Variants in PRKCE observed in about 807,000 individuals in gnomAD.
PRKCE encodes protein kinase C epsilon.
A neutral mutation model predicts 85.4 loss-of-function variants in PRKCE; 16 were observed. The ratio of observed to expected loss-of-function variants is 0.19; its 90% confidence interval spans 0.13 to 0.28. PRKCE has a LOEUF of 0.28. PRKCE is among the 10% of genes least tolerant of loss of function. PRKCE has a pLI of 1.00. For synonymous variants in PRKCE, 388 were observed against 371.5 expected, an observed-to-expected ratio of 1.04 and a Z score of -0.51; for missense variants, 573 against 975.2, an observed-to-expected ratio of 0.59 and a Z score of 5.49.
chr2:45,760,404 T>C (rs1313899662), intron 1 of PRKCE, among the ~76,000 whole-genome samples: 1 of 152,140 alleles, frequency 6.6e-6, no homozygotes, highest in Non-Finnish European at 1.5e-5. Flanking sequence ...AAGGGGAAAG[T>C]CTACCAACTC....
intron 11 of PRKCE, among the ~76,000 whole-genome samples, chr2:46,106,062 T>G (rs1671685109): frequency 6.6e-6 from 1 of 152,238 alleles, no homozygotes; most frequent in Non-Finnish European, 1.5e-5. Flanking sequence ...TTTCAATATT[T>G]CTAGGCTATG....
Position 46,001,252 on chromosome 2 carries a change from CATATATAT to C in PRKCE, c.824-139_824-132del. 1 of 365,580 alleles carries C rather than the reference CATATATAT, an allele frequency of 2.7e-6. No homozygotes were observed. Among genetic ancestry groups the C allele is most frequent in the South Asian group, 1.2e-4 (1 of 8,518 alleles). 22.6% of individuals were successfully genotyped at this position (365,580 alleles called of 1,614,324 possible). On this transcript the variant is annotated intron_variant, in intron 6 of 14. Coordinates refer to ENST00000306156, the MANE Select transcript of PRKCE (RefSeq NM_005400.3). This position sits in a 1 kb window ranked among gnomAD's most constrained non-coding sequence, Gnocchi z 4.4. ...GATTTTGGTTTTGTATGATGGAAGA[CATATATAT>C]ATATATATATATTTCTGTATTTTCC...
chr2:46,081,176 A>T (rs968572023), intron 10 of PRKCE, among the ~76,000 whole-genome samples: 2 of 152,078 alleles, frequency 1.3e-5, no homozygotes, highest in Non-Finnish European at 2.9e-5. Context: ...ATTTTTTTGT[A>T]TAGACAGGGT....
Position 46,001,466 on chromosome 2 carries a change from G to T in PRKCE, c.886G>T (p.Ala296Ser). The stretch of plus-strand genomic sequence containing the variant: ...CGTGGCTCCCAACTGTGGAGTGGAT[G>T]CCAGAGGAATCGCCAAAGTACTGGC... ...TNVAPNCGVD[A>S]RGIAKVLADL... is the part of the protein sequence containing the mutation. The change falls in exon 7 of 15, where the codon GCC becomes TCC. Residue 296 changes from alanine (A) to serine (S), a missense_variant. Ala to Ser is a moderately conservative substitution (Grantham distance 99). Transcript: ENST00000306156. The surrounding 1 kb of genome is among the most constrained non-coding windows in gnomAD (Gnocchi z 4.4). The T allele has an allele frequency of 6.3e-7, 1 of 1,599,508 alleles. No individual in the cohort carries two copies.
intron 1 of PRKCE, among the ~76,000 whole-genome samples, chr2:45,701,694 C>A (rs1426742533): frequency 6.6e-6 from 1 of 152,196 alleles, no homozygotes; most frequent in African/African-American, 2.4e-5. Flanking sequence ...TAGGTTCACC[C>A]AGGCATGGCC....
chr2:45,687,755 A>G (rs1677411013), intron 1 of PRKCE, among the ~76,000 whole-genome samples: 1 of 152,260 alleles, frequency 6.6e-6, no homozygotes, highest in Non-Finnish European at 1.5e-5. Context: ...AGAAAGAAGA[A>G]AGGTATTCTC....
intron 1 of PRKCE, among the ~76,000 whole-genome samples, chr2:45,816,812 C>G (rs1023464192): frequency 6.6e-6 from 1 of 152,152 alleles, no homozygotes; most frequent in Non-Finnish European, 1.5e-5. Flanking sequence ...CTCCCTCCCC[C>G]TAATTGTTAG....
At chr2:45,745,325 T>G (rs1683052123) in intron 1 of PRKCE, among the ~76,000 whole-genome samples, 1 of 152,178 alleles carries the variant, frequency 6.6e-6, no homozygotes. Flanking sequence ...ACCCCAACTT[T>G]CCCTGCAGTG....
chr2:45,993,525 C>A (rs1182394420), intron 6 of PRKCE, among the ~76,000 whole-genome samples: 2 of 151,956 alleles, frequency 1.3e-5, no homozygotes, highest in South Asian at 2.1e-4. Flanking sequence ...AAAAAGATAC[C>A]CCCTTTGCCG....
chr2:46,054,800 C>T (rs1385113276), intron 10 of PRKCE, among the ~76,000 whole-genome samples: 2 of 152,148 alleles, frequency 1.3e-5, no homozygotes, highest in African/African-American at 4.8e-5. Context: ...CGCCCCACCC[C>T]CCATCCTGTG....
chr2:45,811,059 C>T (rs1439360611), intron 1 of PRKCE, among the ~76,000 whole-genome samples: 2 of 152,128 alleles, frequency 1.3e-5, no homozygotes, highest in Non-Finnish European at 2.9e-5. Flanking sequence ...TTGTTTGTAT[C>T]CTATGGCGAG....
intron 10 of PRKCE, among the ~76,000 whole-genome samples, chr2:46,057,008 G>A (rs1666647864): frequency 6.6e-6 from 1 of 152,138 alleles, no homozygotes; most frequent in Non-Finnish European, 1.5e-5. Flanking sequence ...AGTGGGGATG[G>A]AGGGGGTGGA....
At chr2:45,842,972 A>G (rs1162771271) in intron 1 of PRKCE, 28 bp from the exon 2 acceptor site, 1 of 1,608,970 alleles carries the variant, frequency 6.2e-7, no homozygotes, top group East Asian at 2.2e-5. Flanking sequence ...ATGCACTAAC[A>G]GAGTCACTGT....
intron 10 of PRKCE, among the ~76,000 whole-genome samples, chr2:46,016,706 C>T (rs1438123291): frequency 2.6e-5 from 4 of 152,128 alleles, no homozygotes; most frequent in Admixed American, 1.3e-4. Context: ...GTCAGGAATT[C>T]GAGACCAGCC....
chr2:46,093,158 G>A (rs1282295460), intron 11 of PRKCE, among the ~76,000 whole-genome samples: 1 of 152,146 alleles, frequency 6.6e-6, no homozygotes, highest in East Asian at 1.9e-4. Context: ...GGATCTAAGG[G>A]CCGAGTCTCT....
intron 12 of PRKCE, among the ~76,000 whole-genome samples, chr2:46,146,591 G>C (rs1469786284): frequency 6.6e-6 from 1 of 152,182 alleles, no homozygotes; most frequent in Non-Finnish European, 1.5e-5. Flanking sequence ...GGAAGGGGTG[G>C]GGAGGGTATT....
At chr2:45,837,449 G>A (rs1469150249) in intron 1 of PRKCE, among the ~76,000 whole-genome samples, 3 of 152,170 alleles carry the variant, frequency 2.0e-5, no homozygotes, top group South Asian at 2.1e-4. Context: ...TAGAGACGGA[G>A]TTTCACCATA....
intron 1 of PRKCE, among the ~76,000 whole-genome samples, chr2:45,767,708 C>T (rs1685021324): frequency 1.3e-5 from 2 of 152,190 alleles, no homozygotes; most frequent in Admixed American, 6.5e-5. Flanking sequence ...CTTCTGTGGA[C>T]TTGCTGCTTT....
chr2:46,112,719 C>T (rs1672390858), intron 11 of PRKCE, among the ~76,000 whole-genome samples: 1 of 152,022 alleles, frequency 6.6e-6, no homozygotes, highest in African/African-American at 2.4e-5. Flanking sequence ...AGGGTTTCAC[C>T]ATGTTGGCCA....
Sources: allele counts gnomAD v4.1 joint callset (sites outside exome capture counted in the v4.1 genomes callset), GRCh38; gene constraint gnomAD v4.1.1; non-coding constraint Gnocchi (gnomAD v3.1); transcripts MANE v1.5; gene names NCBI Gene and HGNC (gene_info 2026-07-23, HGNC 2026-07-21).